CKAP2L: variants seen among roughly 807,000 people sequenced by gnomAD.
CKAP2L encodes the protein cytoskeleton associated protein 2L.
In CKAP2L, 42 loss-of-function variants were observed where a neutral mutation model predicts 65.7. The observed-to-expected ratio is 0.64, with a 90% confidence interval of 0.50 to 0.83. The LOEUF is 0.83. Ranked by LOEUF, CKAP2L falls within the 40% of genes least tolerant of loss-of-function variation. CKAP2L has a pLI of 0.00. For synonymous variants in CKAP2L, 325 were observed against 313.5 expected (o/e 1.04, Z -0.39); for missense variants, 908 against 871.0 (o/e 1.04, Z -0.53).
At position 112,736,538 on chromosome 2, in the gene CKAP2L, C is replaced by A. The variant is rs567088790; in HGVS notation, c.*2285G>T. ...CCTAATACAATTGTATTAACTTTAG[C>A]CCTATCTCTAGACTTGTTCATTTTA... is the stretch of plus-strand genomic sequence containing the variant. On this transcript the variant is annotated 3_prime_UTR_variant, in exon 9 of 9. Coordinates refer to ENST00000302450, the MANE Select transcript of CKAP2L (RefSeq NM_152515.5). 1 of 152,280 alleles carries A rather than the reference C, an allele frequency of 6.6e-6. No homozygotes were observed. The highest frequency in any genetic ancestry group is 6.5e-5 in the Admixed American group (1 of 15,300). The allele number at this position is 152,280 out of a possible 1,614,324, so 9.4% of individuals were successfully genotyped here.
chr2:112,744,544 G>C (rs937497890), intron 6 of CKAP2L, among the ~76,000 whole-genome samples: 1 of 152,282 alleles, frequency 6.6e-6, no homozygotes, highest in East Asian at 1.9e-4. Context: ...AATGTATTCT[G>C]CAAGTCTCTG....
intron 7 of CKAP2L, among the ~76,000 whole-genome samples, chr2:112,741,942 T>G (rs957204781): frequency 1.8e-4 from 4 of 21,880 alleles, no homozygotes; most frequent in South Asian, 1.6e-3. Context: ...TCTTTTCTGT[T>G]TTTTTTTTTT....
intron 8 of CKAP2L, 69 bp downstream of exon 8, chr2:112,740,749 G>T: frequency 1.5e-6 from 2 of 1,322,104 alleles, no homozygotes; most frequent in Non-Finnish European, 2.1e-6. Flanking sequence ...CTAGATCTGT[G>T]AAGGAAAAAT....
At position 112,757,108 on chromosome 2, in the gene CKAP2L, G is replaced by A. The variant is rs1263060917; in HGVS notation, c.263C>T (p.Ser88Phe). The change falls in exon 4 of 9, where the codon TCC becomes TTC. Residue 88 changes from serine to phenylalanine, a missense_variant. By Grantham distance (155) the Ser-to-Phe change is radical. Coordinates refer to ENST00000302450, the MANE Select transcript of CKAP2L (RefSeq NM_152515.5). ...LQPRPPNTAG[S>F]QKPKLEPPKL... ...TGGTGGCTCCAACTTCGGCTTCTGG[G>A]ACCCTGCAGTATTAGGTGGTCTGGG... The A allele has an allele frequency of 4.3e-6, 7 of 1,614,018 alleles. No homozygotes were observed. The highest frequency in any genetic ancestry group is 1.3e-5 in the African/African-American group (1 of 74,904).
intron 6 of CKAP2L, among the ~76,000 whole-genome samples, chr2:112,743,389 G>A (rs186508925): frequency 9.9e-5 from 15 of 151,962 alleles, no homozygotes; most frequent in African/African-American, 2.9e-4. Context: ...TGATCCACCC[G>A]CCTCGGCCTC....
chr2:112,736,428 G>A lies in CKAP2L; in HGVS notation c.*2395C>T, dbSNP rs149684281. On this transcript the variant is annotated 3_prime_UTR_variant, in exon 9 of 9. Transcript: ENST00000302450. ...ATGGGATACATATAGATAATAAAAT[G>A]GCTGCTATAGTGAAGCAGATTAACA... 3.9e-5 allele frequency among the ~76,000 whole-genome samples: 6 copies of A among 151,946 alleles called. No individual in the cohort carries two copies. The highest frequency in any genetic ancestry group is 1.5e-4 in the African/African-American group (6 of 41,222).
In CKAP2L at chr2:112,756,941, T is replaced by C; in HGVS notation, c.430A>G (p.Ile144Val). The change falls in exon 4 of 9, where the codon ATA (isoleucine) becomes GTA (valine). Residue 144 changes from isoleucine (I) to valine (V), a missense_variant. Coordinates refer to ENST00000302450, the MANE Select transcript of CKAP2L (RefSeq NM_152515.5). ...TGCTTTGTAGTTTTCAATTGCTCTA[T>C]ATTAAGTGACCCCACAGGTTTTCTT... Reference protein sequence around the residue: ...LSRKPVGSLNIEQLKTTKQQL... With the variant: ...LSRKPVGSLNVEQLKTTKQQL... 1.9e-6 allele frequency: 3 copies of C among 1,614,274 alleles called. No homozygotes were observed. The highest frequency in any genetic ancestry group is 1.3e-5 in the African/African-American group (1 of 75,080).
chr2:112,756,804 G>A lies in CKAP2L; in HGVS notation c.567C>T (p.Leu189=), dbSNP rs773135591. The part of the protein sequence containing the change: ...FLKETNKENL[L]DILTEPERKP... Reference sequence around the variant, plus strand: ...TCCTCTCAGGTTCTGTTAAGATATCGAGCAAGTTCTCTTTGTTTGTTTCTT... The same window carrying A: ...TCCTCTCAGGTTCTGTTAAGATATCAAGCAAGTTCTCTTTGTTTGTTTCTT... The change falls in exon 4 of 9, where the codon CTC becomes CTT. Residue 189 remains leucine, a synonymous_variant. Coordinates refer to ENST00000302450, the MANE Select transcript of CKAP2L (RefSeq NM_152515.5). 17 of 1,602,756 alleles carry A rather than the reference G, an allele frequency of 1.1e-5. No individual in the cohort carries two copies. The highest frequency in any genetic ancestry group is 1.4e-5 in the African/African-American group (1 of 73,870).
At chr2:112,744,734 G>C (rs932542536) in intron 6 of CKAP2L, among the ~76,000 whole-genome samples, 2 of 152,132 alleles carry the variant, frequency 1.3e-5, no homozygotes, top group Non-Finnish European at 2.9e-5. Flanking sequence ...CAGCTTAAGA[G>C]GAAAGACCTA....
Position 112,746,548 on chromosome 2 carries a change from T to G in CKAP2L, c.1630A>C (p.Ile544Leu). 1 of 1,611,842 alleles carries G rather than the reference T, an allele frequency of 6.2e-7. No individual in the cohort carries two copies. The highest frequency in any genetic ancestry group is 8.5e-7 in the Non-Finnish European group (1 of 1,178,374). ...GGVPSNEILN[I>L]LSSIPEAEKF... ...TCAGCTTCAGGAATGCTGGACAATA[T>G]GTTAAGTATTTCATTAGAAGGTACA... is the stretch of plus-strand genomic sequence containing the variant. Residue 544 changes from isoleucine (I) to leucine (L), a missense_variant, in exon 6 of 9, where the codon ATA (isoleucine) becomes CTA (leucine). Transcript: ENST00000302450.
At chr2:112,749,969 T>C (rs901317296) in intron 5 of CKAP2L, among the ~76,000 whole-genome samples, 2 of 152,172 alleles carry the variant, frequency 1.3e-5, no homozygotes, top group Non-Finnish European at 2.9e-5. Flanking sequence ...GCATCTTTTT[T>C]TCCCCCTCAG....
Position 112,752,383 on chromosome 2 carries a change from T to C in CKAP2L, c.1486A>G (p.Met496Val). The C allele has an allele frequency of 1.9e-6, 3 of 1,612,666 alleles. No homozygotes were observed. The highest frequency in any genetic ancestry group is 2.5e-6 in the Non-Finnish European group (3 of 1,178,752). The part of the protein sequence containing the change: ...LKTKRKVIKE[M>V]NISFWKSIEK... ...ATGCTCTTCCAGAATGAAATATTCA[T>C]TTCCTTTATTACTTTTCTTTTTGTT... The change falls in exon 5 of 9, where the codon ATG (methionine) becomes GTG (valine). Residue 496 changes from methionine (M) to valine (V), a missense_variant. Met to Val is a conservative substitution (Grantham distance 21, BLOSUM62 1). Coordinates refer to ENST00000302450, the MANE Select transcript of CKAP2L (RefSeq NM_152515.5).
At chr2:112,742,338 A>G in intron 7 of CKAP2L, 2 of 714,878 alleles carry the variant, frequency 2.8e-6, no homozygotes, top group East Asian at 2.7e-5. Context: ...GCGTAACACA[A>G]ATTTAGATGA....
intron 1 of CKAP2L, 44 bp from the exon 2 acceptor site, chr2:112,762,613 G>C: frequency 6.8e-7 from 1 of 1,471,350 alleles, no homozygotes; most frequent in Non-Finnish European, 9.5e-7. Context: ...TTTAGTTCAA[G>C]ATTTTAACCA....
At chr2:112,761,801 G>A (rs1680731583) in intron 2 of CKAP2L, among the ~76,000 whole-genome samples, 1 of 152,206 alleles carries the variant, frequency 6.6e-6, no homozygotes, top group African/African-American at 2.4e-5. Context: ...TGACTGAGAT[G>A]TTATAGGTAC....
At chr2:112,741,940 GTTTTT>G (rs57634251) in intron 7 of CKAP2L, among the ~76,000 whole-genome samples, 5 of 71,908 alleles carry the variant, frequency 7.0e-5, no homozygotes, top group East Asian at 4.4e-4. Flanking sequence ...TTTCTTTTCT[GTTTTT>G]TTTTTTTTTT....
At chr2:112,741,551 G>A (rs1574319604) in intron 7 of CKAP2L, among the ~76,000 whole-genome samples, 1 of 152,226 alleles carries the variant, frequency 6.6e-6, no homozygotes, top group Non-Finnish European at 1.5e-5. Flanking sequence ...ACTGTGGCTA[G>A]AGGCTGACAC....
At chr2:112,754,571 CCAAA>C (rs1680476125) in intron 4 of CKAP2L, among the ~76,000 whole-genome samples, 1 of 152,208 alleles carries the variant, frequency 6.6e-6, no homozygotes, top group African/African-American at 2.4e-5. Flanking sequence ...TATATATACA[CCAAA>C]CAATTAGCTC....
At chr2:112,757,721 T>C (rs1007120456) in intron 3 of CKAP2L, among the ~76,000 whole-genome samples, 17 of 152,178 alleles carry the variant, frequency 1.1e-4, no homozygotes, top group African/African-American at 3.6e-4. Flanking sequence ...TGAGTTCCTA[T>C]CAGAAGTATA....
Sources: allele counts gnomAD v4.1 joint callset (sites outside exome capture counted in the v4.1 genomes callset), GRCh38; gene constraint gnomAD v4.1.1; transcripts MANE v1.5; gene names NCBI Gene and HGNC (gene_info 2026-07-23, HGNC 2026-07-21).